LIMCH1: variants seen among roughly 807,000 people sequenced by gnomAD.
LIMCH1 encodes the protein LIM and calponin homology domains-containing protein 1.
A neutral mutation model predicts 176.5 loss-of-function variants in LIMCH1; 113 were observed. The ratio of observed to expected loss-of-function variants is 0.64; its 90% CI spans 0.55 to 0.75. The LOEUF is 0.75. Among genes scored for constraint, LIMCH1 ranks in the 30% least tolerant of loss-of-function variants. The pLI is 0.00. For missense variants in LIMCH1, 1,674 were observed against 1,814.9 expected, an observed-to-expected ratio of 0.92 and a Z score of 1.41; for synonymous variants, 619 against 645.9, an observed-to-expected ratio of 0.96 and a Z score of 0.63.
chr4:41,671,216 T>C lies in LIMCH1; in HGVS notation c.3398-338T>C, dbSNP rs186449401. 1.7e-3 allele frequency among the ~76,000 whole-genome samples: 262 copies of C among 152,232 alleles called. 1 individual carries two copies. Among genetic ancestry groups the C allele is most frequent in the East Asian group, 9.3e-3 (48 of 5,172 alleles). On this transcript the variant is annotated intron_variant, in intron 21 of 31. Transcript: ENST00000503057. ...AGGGGACTGCTCAGTCAAGCCACAATGCAAGGTGCACTAAGAATCAGTACT... is the reference window on the plus strand; with the variant it reads ...AGGGGACTGCTCAGTCAAGCCACAACGCAAGGTGCACTAAGAATCAGTACT...
intron 1 of LIMCH1, among the ~76,000 whole-genome samples, chr4:41,539,741 A>G (rs759475663): frequency 2.0e-5 from 3 of 152,188 alleles, no homozygotes; most frequent in Admixed American, 6.5e-5. Flanking sequence ...ATTGTTCTCT[A>G]TAATAAAGTT....
rs1171288151 is a variant in LIMCH1, at chr4:41,531,505, CACACACACACAT to C, written c.237+7034_237+7045del. Among the ~76,000 whole-genome samples, 1,114 of 144,504 alleles carry C rather than the reference CACACACACACAT, an allele frequency of 7.7e-3. 8 individuals are homozygous for C. The highest frequency in any genetic ancestry group is 0.018 in the Middle Eastern group (5 of 280). 94.8% of individuals were successfully genotyped at this position (144,504 alleles called of 152,430 possible). A position where few individuals can be genotyped will look rare whatever the true frequency, so the allele number is the denominator to read the frequency against. On this transcript the variant is annotated intron_variant, in intron 3 of 26. Coordinates refer to the LIMCH1 transcript ENST00000313860. The stretch of plus-strand genomic sequence containing the variant: ...ACACACACACACACACACACACACA[CACACACACACAT>C]ACACACCTTATACTTGCCAACTCTC...
chr4:41,404,058 C>T (rs530888919), intron 1 of LIMCH1, among the ~76,000 whole-genome samples: 1 of 152,260 alleles, frequency 6.6e-6, no homozygotes, highest in African/African-American at 2.4e-5. Flanking sequence ...CATGCCAGAG[C>T]TAGGATAGGC....
chr4:41,613,539 G>C lies in LIMCH1; in HGVS notation c.83G>C (p.Arg28Pro). ...TACATCGACTGCTGGGATTCCGAGC[G>C]CAGCGACTCCCTCTCTCCTCCTCGC... The part of the protein sequence containing the change: ...SGYIDCWDSE[R>P]SDSLSPPRHG... The change falls in exon 5 of 32, where the codon CGC becomes CCC. Residue 28 changes from arginine (R) to proline (P), a missense_variant. This residue lies in a region of LIMCH1 where 655 missense variants were observed against 692.2 expected (regional missense o/e 0.95). Transcript: ENST00000503057. 1.2e-6 allele frequency: 2 copies of C among 1,614,008 alleles called. No homozygotes were observed. The highest frequency in any genetic ancestry group is 1.7e-6 in the Non-Finnish European group (2 of 1,179,946).
intron 2 of LIMCH1, among the ~76,000 whole-genome samples, chr4:41,500,383 T>G (rs2154178680): frequency 6.6e-6 from 1 of 152,320 alleles, no homozygotes; most frequent in East Asian, 1.9e-4. Context: ...CTCCCTCCTC[T>G]TTTTGAGTAT....
In LIMCH1 at chr4:41,603,917, A is replaced by G; in HGVS notation, c.-103+12A>G. 6.2e-7 allele frequency: 1 copy of G among 1,600,704 alleles called. No homozygotes were observed. Among genetic ancestry groups the G allele is most frequent in the Non-Finnish European group, 8.6e-7 (1 of 1,168,918 alleles). ...GGAAGCTGAAAAATGTAAGTGTTTT[A>G]ACTTCCAAACTTGTATCTTTGATGG... On this transcript the variant is annotated intron_variant, in intron 3 of 31. Transcript: ENST00000503057.
chr4:41,682,301 A>G (rs1432338475), intron 25 of LIMCH1, 32 bp from the exon 26 acceptor site: 3 of 1,569,716 alleles, frequency 1.9e-6, no homozygotes, highest in African/African-American at 2.7e-5. Context: ...TTTAAAATTT[A>G]TACTTAAGAT....
At chr4:41,535,162 C>CAAAAA (rs61639965), upstream of LIMCH1, among the ~76,000 whole-genome samples, 683 of 82,318 alleles carry the variant, frequency 8.3e-3, no homozygotes, top group Non-Finnish European at 0.013. Context: ...GACCCTGTCA[C>CAAAAA]AAAAAAAAAA....
At chr4:41,393,343 G>A (rs1458044605) in intron 1 of LIMCH1, among the ~76,000 whole-genome samples, 1 of 152,158 alleles carries the variant, frequency 6.6e-6, no homozygotes, top group African/African-American at 2.4e-5. Flanking sequence ...GCTGCTGGTG[G>A]TAAATTATGA....
intron 1 of LIMCH1, among the ~76,000 whole-genome samples, chr4:41,371,294 C>A (rs768448863): frequency 6.6e-6 from 1 of 152,166 alleles, no homozygotes. Flanking sequence ...GGCTCCCAAG[C>A]ACATTCTCTG....
intron 1 of LIMCH1, among the ~76,000 whole-genome samples, chr4:41,588,000 A>G (rs1199988896): frequency 6.6e-6 from 1 of 152,072 alleles, no homozygotes; most frequent in African/African-American, 2.4e-5. Context: ...TTAGTTACAT[A>G]TGTATACATG....
chr4:41,568,625 C>A (rs899810273), intron 1 of LIMCH1, among the ~76,000 whole-genome samples: 4 of 152,048 alleles, frequency 2.6e-5, no homozygotes. Flanking sequence ...CTAAAATAGG[C>A]CAAAATGTTG....
At chr4:41,423,958 C>A (rs1459113746) in intron 1 of LIMCH1, among the ~76,000 whole-genome samples, 1 of 151,968 alleles carries the variant, frequency 6.6e-6, no homozygotes. Flanking sequence ...TTACTCTTTG[C>A]CCATGAGTGA....
chr4:41,538,893 G>A (rs115920959), intron 1 of LIMCH1, among the ~76,000 whole-genome samples: 1,858 of 152,286 alleles, frequency 0.012, 34 homozygotes, highest in African/African-American at 0.043. Context: ...GGAGTCTGGA[G>A]GGAAGGGCTG....
intron 7 of LIMCH1, among the ~76,000 whole-genome samples, chr4:41,622,281 T>C (rs2092640815): frequency 6.6e-6 from 1 of 152,148 alleles, no homozygotes; most frequent in South Asian, 2.1e-4. Flanking sequence ...AAAATAATAA[T>C]AGTGAGGGGA....
rs187642506 is a variant in LIMCH1, at chr4:41,474,918, C to T, written c.97-19618C>T. 2.1e-3 allele frequency among the ~76,000 whole-genome samples: 325 copies of T among 152,046 alleles called. 2 individuals are homozygous for T. The highest frequency in any genetic ancestry group is 6.7e-3 in the African/African-American group (279 of 41,452). On this transcript the variant is annotated intron_variant, in intron 1 of 26. Transcript: ENST00000313860. ...ATTCACCATAGCCAAGATATGGAAA[C>T]AACAGAGTGTTCACAACAGATTAAA... is the stretch of plus-strand genomic sequence containing the variant.
At chr4:41,631,517 A>G in intron 10 of LIMCH1, 40 bp downstream of exon 10, 1 of 1,429,842 alleles carries the variant, frequency 7.0e-7, no homozygotes, top group Non-Finnish European at 9.2e-7. Context: ...TCTGCATGGG[A>G]GTCACTGCTG....
intron 1 of LIMCH1, among the ~76,000 whole-genome samples, chr4:41,467,594 A>G (rs1297689071): frequency 6.6e-6 from 1 of 152,090 alleles, no homozygotes; most frequent in Non-Finnish European, 1.5e-5. Flanking sequence ...CCATGATCCA[A>G]TTACTTCCCA....
Position 41,633,680 on chromosome 4 carries a change from G to A in LIMCH1, c.1962G>A (p.Met654Ile). The A allele has an allele frequency of 6.5e-7, 1 of 1,536,178 alleles. No homozygotes were observed. Among genetic ancestry groups the A allele is most frequent in the Non-Finnish European group, 8.7e-7 (1 of 1,146,920 alleles). The change falls in exon 13 of 32, where the codon ATG (methionine) becomes ATA (isoleucine). Residue 654 changes from methionine (M) to isoleucine (I), a missense_variant. This residue lies in a region of LIMCH1 where 1,015 missense variants were observed against 1,102.5 expected (regional missense o/e 0.92). Transcript: ENST00000503057. The stretch of plus-strand genomic sequence containing the variant: ...TGGATGATTCACGAAAAGATGACAT[G>A]ATGGCCAGGAGAACTGGGATGTCCC... ...RKLDDSRKDDMMARRTGMSLR... is the reference protein window; with the variant it reads ...RKLDDSRKDDIMARRTGMSLR...
Sources: gnomAD v4.1 joint callset for allele counts (sites outside exome capture counted in the v4.1 genomes callset) on GRCh38, gnomAD v4.1.1 for gene constraint, gnomAD v4.1.1 regional missense constraint, MANE v1.5 for transcripts, NCBI Gene and HGNC (gene_info 2026-07-23, HGNC 2026-07-21) for gene names.